SBF2: variants seen among roughly 807,000 people sequenced by gnomAD.
The protein encoded by SBF2 is myotubularin-related protein 13.
SBF2 carries 112 observed loss-of-function variants against 225.2 expected under a neutral mutation model. That is an observed-to-expected ratio of 0.50 (90% CI 0.43 to 0.58). The LOEUF (loss-of-function observed/expected upper bound fraction) is 0.58, where lower values mean the gene tolerates loss of function less well. Among genes scored for constraint, SBF2 ranks in the 20% least tolerant of loss-of-function variants. SBF2 has a pLI of 0.00. For synonymous variants in SBF2, 763 were observed against 773.3 expected (o/e 0.99, Z 0.22); for missense variants, 1,996 against 2,206.2 (o/e 0.90, Z 1.91).
chr11:10,246,865 A>G (rs1959849785), intron 1 of SBF2, among the ~76,000 whole-genome samples: 1 of 152,154 alleles, frequency 6.6e-6, no homozygotes, highest in South Asian at 2.1e-4. Context: ...GCTTGAGTCC[A>G]GGAGTTCAGG....
intron 9 of SBF2, among the ~76,000 whole-genome samples, chr11:9,994,343 T>C (rs889890319): frequency 2.0e-5 from 3 of 150,784 alleles, no homozygotes; most frequent in Non-Finnish European, 3.0e-5. Context: ...GGCGTGGTGG[T>C]GGGCGCCTGT....
At position 9,789,232 on chromosome 11, in the gene SBF2, G is replaced by C. The variant is rs199670153; in HGVS notation, c.4809C>G (p.His1603Gln). Reference protein sequence around the residue: ...SYDWMMLTPKHFPSEDSDLAG... With the variant: ...SYDWMMLTPKQFPSEDSDLAG... ...CCAGGTCAGAGTCTTCGGAGGGGAA[G>C]TGCTTGGGGGTTAGCATCATCCAGT... is the stretch of plus-strand genomic sequence containing the variant. The change falls in exon 35 of 40, where the codon CAC becomes CAG. Residue 1603 changes from histidine to glutamine, a missense_variant. His to Gln is a conservative substitution (Grantham distance 24). Transcript: ENST00000256190. 9.3e-6 allele frequency: 15 copies of C among 1,614,096 alleles called. No homozygotes were observed. Among genetic ancestry groups the C allele is most frequent in the Non-Finnish European group, 1.3e-5 (15 of 1,180,044 alleles).
intron 1 of SBF2, among the ~76,000 whole-genome samples, chr11:10,202,380 C>T (rs933962579): frequency 3.3e-5 from 5 of 152,176 alleles, no homozygotes; most frequent in Non-Finnish European, 7.3e-5. Context: ...CACTCCGAGT[C>T]ATGTTCAAGT....
chr11:9,808,967 T>C lies in SBF2; in HGVS notation c.4191A>G (p.Ser1397=). The C allele has an allele frequency of 1.9e-6, 3 of 1,614,068 alleles. No homozygotes were observed. In the South Asian group the frequency reaches 3.3e-5, roughly 18 times the overall value. Residue 1397 remains serine, a synonymous_variant, in exon 31 of 40, where the codon TCA becomes TCG. Transcript: ENST00000256190. The part of the protein sequence containing the change: ...HRIMQLAVVV[S]EVLENGSSVL... ...CTGAGGAACCATTCTCAAGTACTTC[T>C]GATACAACCACAGCCAGCTGCATTA...
chr11:9,998,293 TAGA>T lies in SBF2; in HGVS notation c.945_947del (p.Leu316del). On this transcript the variant is annotated inframe_deletion, in exon 9 of 40. Transcript: ENST00000256190. ...AAGAAAGAGCTGATTGAGTCTGATG[TAGA>T]AGTGGTTCTGGGAGGGAAGAGAGGT... 6.2e-7 allele frequency: 1 copy of T among 1,601,224 alleles called. No individual in the cohort carries two copies. The highest frequency in any genetic ancestry group is 8.6e-7 in the Non-Finnish European group (1 of 1,168,490).
chr11:10,019,736 A>G (rs145119897), intron 6 of SBF2, among the ~76,000 whole-genome samples: 255 of 152,256 alleles, frequency 1.7e-3, no homozygotes, highest in African/African-American at 5.8e-3. Flanking sequence ...TATATGAATA[A>G]GCTGAGAAAA....
intron 18 of SBF2, 81 bp downstream of exon 18, chr11:9,858,145 T>C: frequency 2.0e-6 from 3 of 1,537,618 alleles, no homozygotes; most frequent in Non-Finnish European, 2.7e-6. Context: ...AGCTAGAGTT[T>C]TTTTTGCCCT....
intron 32 of SBF2, among the ~76,000 whole-genome samples, chr11:9,797,602 A>G (rs1853204234): frequency 6.6e-6 from 1 of 152,212 alleles, no homozygotes; most frequent in Non-Finnish European, 1.5e-5. Context: ...TGTATTACGT[A>G]GAGTTTTCTC....
chr11:9,794,676 C>CAAAAAAAAAAAAAAAAAAA lies in SBF2; in HGVS notation c.4570+1136_4570+1154dup, dbSNP rs575749593. On this transcript the variant is annotated intron_variant, in intron 33 of 39. Coordinates refer to ENST00000256190, the MANE Select transcript of SBF2 (RefSeq NM_030962.4). ...TGATACAGTGAGTGGGACTCCGTCT[C>CAAAAAAAAAAAAAAAAAAA]AAAAAAAAAAAAAAAAAAAAAAAAA... 8.5e-5 allele frequency among the ~76,000 whole-genome samples: 3 copies of CAAAAAAAAAAAAAAAAAAA among 35,354 alleles called. 1 individual carries two copies. Among genetic ancestry groups the CAAAAAAAAAAAAAAAAAAA allele is most frequent in the African/African-American group, 1.1e-4 (1 of 9,462 alleles). 23.2% of individuals were successfully genotyped at this position (35,354 alleles called of 152,430 possible). A position where few individuals can be genotyped will look rare whatever the true frequency, so the allele number is the denominator to read the frequency against.
intron 2 of SBF2, among the ~76,000 whole-genome samples, chr11:10,128,401 T>C (rs927329033): frequency 6.6e-6 from 1 of 152,246 alleles, no homozygotes; most frequent in African/African-American, 2.4e-5. Context: ...CAAACTCAGA[T>C]GCTTACATTA....
At chr11:9,869,177 C>T (rs1858504796) in intron 17 of SBF2, among the ~76,000 whole-genome samples, 1 of 152,086 alleles carries the variant, frequency 6.6e-6, no homozygotes, top group Admixed American at 6.5e-5. Context: ...CCACAGGTAA[C>T]CAATTAGTTT....
intron 17 of SBF2, among the ~76,000 whole-genome samples, chr11:9,875,957 AG>A (rs1284268005): frequency 7.6e-6 from 1 of 132,052 alleles, no homozygotes; most frequent in Non-Finnish European, 1.6e-5. Context: ...TAAACCTCAG[AG>A]ATTTTTTTTT....
intron 5 of SBF2, 85 bp from the exon 6 acceptor site, chr11:10,028,642 T>C (rs1949136014): frequency 1.1e-6 from 1 of 884,778 alleles, no homozygotes; most frequent in African/African-American, 1.6e-5. Flanking sequence ...TGTTCATTTT[T>C]AGAGCAAACG....
chr11:9,822,389 T>C (rs1315209077), intron 28 of SBF2, among the ~76,000 whole-genome samples: 3 of 151,256 alleles, frequency 2.0e-5, no homozygotes, highest in East Asian at 2.0e-4. Context: ...GCCTCCCGCA[T>C]AGCTGGGACT....
chr11:10,049,173 C>A (rs948972626), intron 2 of SBF2, among the ~76,000 whole-genome samples: 1 of 151,956 alleles, frequency 6.6e-6, no homozygotes, highest in African/African-American at 2.4e-5. Flanking sequence ...AAGACATTTA[C>A]AAAAATGTAA....
At chr11:10,093,021 CTT>C (rs35286829) in intron 2 of SBF2, among the ~76,000 whole-genome samples, 3 of 145,352 alleles carry the variant, frequency 2.1e-5, no homozygotes, top group Non-Finnish European at 1.5e-5. Context: ...TTCCTTCTTT[CTT>C]TTTTTTTTTG....
intron 16 of SBF2, among the ~76,000 whole-genome samples, chr11:9,945,911 T>C (rs1382351621): frequency 6.6e-6 from 1 of 152,044 alleles, no homozygotes; most frequent in Non-Finnish European, 1.5e-5. Flanking sequence ...GAGTGGACTA[T>C]TATTAAAAAG....
chr11:9,812,792 CAA>C (rs1854262718), intron 29 of SBF2, 84 bp from the exon 30 acceptor site: 2 of 1,445,928 alleles, frequency 1.4e-6, no homozygotes, highest in Admixed American at 3.5e-5. Context: ...TGCATAATGA[CAA>C]AGTTATTTGG....
At chr11:10,118,683 T>C (rs1953283133) in intron 2 of SBF2, among the ~76,000 whole-genome samples, 1 of 152,086 alleles carries the variant, frequency 6.6e-6, no homozygotes, top group African/African-American at 2.4e-5. Flanking sequence ...GAAGATGTAA[T>C]GTACCTGTTC....
Sources: allele counts gnomAD v4.1 joint callset (sites outside exome capture counted in the v4.1 genomes callset), GRCh38; gene constraint gnomAD v4.1.1; transcripts MANE v1.5; gene names NCBI Gene and HGNC (gene_info 2026-07-23, HGNC 2026-07-21).